The following MARCHF10 variants were observed in gnomAD, a reference collection of about 807,000 sequenced individuals.
MARCHF10 encodes probable E3 ubiquitin-protein ligase MARCHF10.
In MARCHF10, 64 loss-of-function variants were observed where a neutral mutation model predicts 76.2. The observed-to-expected ratio is 0.84, with a 90% CI of 0.69 to 1.03. The LOEUF (loss-of-function observed/expected upper bound fraction) is 1.03. Ranked by LOEUF, MARCHF10 falls within the 50% of genes least tolerant of loss-of-function variation. The probability of loss-of-function intolerance (pLI) is 0.00; values close to 1 mark genes in which losing one functional copy is unlikely to be tolerated. For synonymous variants in MARCHF10, 340 were observed against 357.5 expected, an observed-to-expected ratio of 0.95 and a Z score of 0.55; for missense variants, 875 against 958.0, an observed-to-expected ratio of 0.91 and a Z score of 1.14.
At chr17:62,721,024 C>T (rs777904000) in intron 8 of MARCHF10, among the ~76,000 whole-genome samples, 2 of 151,966 alleles carry the variant, frequency 1.3e-5, no homozygotes, top group African/African-American at 2.4e-5. Context: ...TGCGCCACCA[C>T]GCCCAGCTAA....
intron 4 of MARCHF10, among the ~76,000 whole-genome samples, chr17:62,745,766 G>T (rs1403630489): frequency 1.3e-5 from 2 of 152,190 alleles, no homozygotes; most frequent in African/African-American, 4.8e-5. Flanking sequence ...GTTGCTAATT[G>T]ATACAGTTTT....
chr17:62,805,930 TAATAA>T (rs2093157276), intron 1 of MARCHF10, among the ~76,000 whole-genome samples: 2 of 150,748 alleles, frequency 1.3e-5, no homozygotes, highest in African/African-American at 4.9e-5. Context: ...ATAATAATAA[TAATAA>T]AATAATAAAA....
chr17:62,778,633 G>A (rs1030038602), intron 3 of MARCHF10, among the ~76,000 whole-genome samples: 2 of 146,412 alleles, frequency 1.4e-5, no homozygotes, highest in Non-Finnish European at 3.0e-5. Flanking sequence ...AGAAGGGTGA[G>A]GATCACGCCA....
At chr17:62,780,624 T>C (rs534288566) in intron 3 of MARCHF10, among the ~76,000 whole-genome samples, 7 of 152,332 alleles carry the variant, frequency 4.6e-5, no homozygotes, top group Admixed American at 3.3e-4. Context: ...TTGCCACCAG[T>C]GAAAGGACTA....
chr17:62,746,164 T>C (rs1473437779), intron 4 of MARCHF10, among the ~76,000 whole-genome samples: 6 of 152,198 alleles, frequency 3.9e-5, no homozygotes, highest in Non-Finnish European at 8.8e-5. Context: ...TTTAATACAA[T>C]GACTAGGTCT....
Position 62,788,615 on chromosome 17 carries a change from A to G in MARCHF10, c.91-16T>C, listed in dbSNP as rs749204242. 3.1e-6 allele frequency: 5 copies of G among 1,613,718 alleles called. No individual in the cohort carries two copies. Among genetic ancestry groups the G allele is most frequent in the East Asian group, 2.2e-5 (1 of 44,870 alleles). On this transcript the variant is annotated splice_polypyrimidine_tract_variant and intron_variant, in intron 2 of 10. Transcript: ENST00000311269. Reference sequence around the variant, plus strand: ...TCAGACAAGCCTGAAGAACAACAACAATAAAATGTTTGTCTTAGGACCATG... The same window carrying G: ...TCAGACAAGCCTGAAGAACAACAACGATAAAATGTTTGTCTTAGGACCATG...
rs2090685409 is a variant in MARCHF10, at chr17:62,725,034, T to C, written c.2008A>G (p.Ser670Gly). The change falls in exon 7 of 11, where the codon AGC (serine) becomes GGC (glycine). Residue 670 changes from serine (S) to glycine (G), a missense_variant. Transcript: ENST00000311269. The stretch of plus-strand genomic sequence containing the variant: ...CCGCAAGGCTCCAGGAGGGGGTTGC[T>C]TGGGGAACCCCCGGCTATCTGACAG... ...RICQIAGGSPSNPLLEPCGCV... is the reference protein window; with the variant it reads ...RICQIAGGSPGNPLLEPCGCV... 6.2e-7 allele frequency: 1 copy of C among 1,609,784 alleles called. No individual in the cohort carries two copies. The highest frequency in any genetic ancestry group is 8.5e-7 in the Non-Finnish European group (1 of 1,178,460).
At chr17:62,798,303 A>G (rs200931044) in intron 2 of MARCHF10, among the ~76,000 whole-genome samples, 3 of 152,228 alleles carry the variant, frequency 2.0e-5, no homozygotes, top group East Asian at 3.9e-4. Flanking sequence ...GAGAAACAGG[A>G]AGAAAATCAA....
chr17:62,728,726 T>C (rs1424991563), intron 6 of MARCHF10, among the ~76,000 whole-genome samples: 1 of 152,106 alleles, frequency 6.6e-6, no homozygotes, highest in Non-Finnish European at 1.5e-5. Context: ...ACAATATTAA[T>C]GGACAAAATA....
chr17:62,721,577 A>G (rs750295827), intron 8 of MARCHF10, among the ~76,000 whole-genome samples: 14 of 152,188 alleles, frequency 9.2e-5, no homozygotes, highest in Non-Finnish European at 1.6e-4. Flanking sequence ...TAATAGTTCT[A>G]AATGGAAGAC....
At chr17:62,702,168 C>A (rs2089280476) in intron 10 of MARCHF10, among the ~76,000 whole-genome samples, 1 of 151,848 alleles carries the variant, frequency 6.6e-6, no homozygotes, top group African/African-American at 2.4e-5. Context: ...AAATCAATGG[C>A]TGGATGCAGA....
At chr17:62,760,380 G>T (rs2092166253) in intron 3 of MARCHF10, among the ~76,000 whole-genome samples, 1 of 152,136 alleles carries the variant, frequency 6.6e-6, no homozygotes, top group African/African-American at 2.4e-5. Flanking sequence ...TAGGCTAGAA[G>T]AAAAAATGTT....
intron 2 of MARCHF10, among the ~76,000 whole-genome samples, chr17:62,796,557 T>A (rs747874133): frequency 1.3e-5 from 2 of 152,208 alleles, no homozygotes; most frequent in Admixed American, 1.3e-4. Context: ...TGGCTCTAAG[T>A]CTGACAAGCT....
intron 10 of MARCHF10, 66 bp from the exon 11 acceptor site, chr17:62,701,824 A>G: frequency 1.9e-6 from 3 of 1,600,266 alleles, no homozygotes; most frequent in Non-Finnish European, 1.7e-6. Context: ...TACAGGGGGC[A>G]CGGCACTGCT....
At chr17:62,762,105 A>G (rs2092220783) in intron 3 of MARCHF10, among the ~76,000 whole-genome samples, 1 of 152,148 alleles carries the variant, frequency 6.6e-6, no homozygotes, top group African/African-American at 2.4e-5. Context: ...CATTACCCCC[A>G]GCCAGGGCCG....
At chr17:62,741,362 A>G (rs2091497738) in intron 5 of MARCHF10, among the ~76,000 whole-genome samples, 1 of 152,184 alleles carries the variant, frequency 6.6e-6, no homozygotes, top group Admixed American at 6.5e-5. Context: ...GTCAAAAGGT[A>G]TGAACTTTCT....
chr17:62,707,034 C>G (rs958677287), intron 9 of MARCHF10, among the ~76,000 whole-genome samples: 1 of 152,194 alleles, frequency 6.6e-6, no homozygotes, highest in Admixed American at 6.5e-5. Context: ...CCAGTGCTTC[C>G]GCCAGCCTGT....
rs370036378 is a variant in MARCHF10 at position 62,770,160 on chromosome 17, G to T, written c.211-10154C>A. Among the ~76,000 whole-genome samples, 3 of 152,228 alleles carry T rather than the reference G, an allele frequency of 2.0e-5. No homozygotes were observed. In the South Asian group the frequency reaches 6.2e-4, roughly 32 times the overall value. On this transcript the variant is annotated intron_variant, in intron 3 of 10. Coordinates refer to ENST00000311269, the MANE Select transcript of MARCHF10 (RefSeq NM_152598.4). ...CTGCGTTAATTCCCTTAGGACTATG[G>T]CCTCCAGCTCCATCCATATTGCTCC... is the stretch of plus-strand genomic sequence containing the variant.
intron 6 of MARCHF10, among the ~76,000 whole-genome samples, chr17:62,727,510 A>T (rs2147743616): frequency 6.6e-6 from 1 of 152,226 alleles, no homozygotes; most frequent in East Asian, 1.9e-4. Context: ...CTCAAAAAAA[A>T]AGAAAAAAAT....
Sources: gnomAD v4.1 joint callset for allele counts (sites outside exome capture counted in the v4.1 genomes callset) on GRCh38, gnomAD v4.1.1 for gene constraint, MANE v1.5 for transcripts, NCBI Gene and HGNC (gene_info 2026-07-23, HGNC 2026-07-21) for gene names.